The following CDH12 variants were observed in gnomAD, a reference collection of about 807,000 sequenced individuals.
CDH12 encodes the protein cadherin-12.
A neutral mutation model predicts 74.1 loss-of-function variants in CDH12; 41 were observed. The observed-to-expected ratio is 0.55, with a 90% CI of 0.43 to 0.72. The LOEUF is 0.72. Ranked by LOEUF, CDH12 falls within the 30% of genes least tolerant of loss-of-function variation. The probability of loss-of-function intolerance (pLI) is 0.00; values close to 1 mark genes in which losing one functional copy is unlikely to be tolerated. For missense variants in CDH12, 945 were observed against 977.2 expected (o/e 0.97, Z 0.44); for synonymous variants, 399 against 355.0 (o/e 1.12, Z -1.39).
At chr5:22,521,709 C>T (rs557042535) in intron 1 of CDH12, among the ~76,000 whole-genome samples, 1 of 152,264 alleles carries the variant, frequency 6.6e-6, no homozygotes, top group African/African-American at 2.4e-5. Flanking sequence ...GTCTCTGTTG[C>T]AACTCTTGTG....
intron 1 of CDH12, among the ~76,000 whole-genome samples, chr5:22,732,246 A>G (rs1744463463): frequency 6.6e-6 from 1 of 151,736 alleles, no homozygotes; most frequent in African/African-American, 2.4e-5. Flanking sequence ...TTCCCTCTGT[A>G]TATATCTTTG....
chr5:22,834,537 T>A (rs1225775835), intron 1 of CDH12, among the ~76,000 whole-genome samples: 1 of 152,166 alleles, frequency 6.6e-6, no homozygotes, highest in Admixed American at 6.6e-5. Context: ...TTTTTCAAAC[T>A]TATTCCCTTT....
chr5:22,620,501 T>C (rs1219682571), intron 1 of CDH12, among the ~76,000 whole-genome samples: 1 of 151,920 alleles, frequency 6.6e-6, no homozygotes, highest in African/African-American at 2.4e-5. Flanking sequence ...ATTAGTGCAC[T>C]CTCTGACCAA....
intron 1 of CDH12, among the ~76,000 whole-genome samples, chr5:22,587,055 C>T (rs181425610): frequency 2.5e-3 from 380 of 151,942 alleles, no homozygotes; most frequent in African/African-American, 7.2e-3. Context: ...AGGCTGGTCT[C>T]GAACTCCTGA....
At chr5:22,336,913 C>A (rs1899799) in intron 3 of CDH12, among the ~76,000 whole-genome samples, 2 of 152,128 alleles carry the variant, frequency 1.3e-5, no homozygotes, top group Non-Finnish European at 2.9e-5. Flanking sequence ...CACCATCCAC[C>A]TGGAAACACT....
intron 6 of CDH12, among the ~76,000 whole-genome samples, chr5:21,873,209 C>A (rs1365886630): frequency 6.6e-6 from 1 of 152,132 alleles, no homozygotes; most frequent in East Asian, 1.9e-4. Flanking sequence ...TAATATATCA[C>A]CATCTCCATT....
At chr5:22,475,471 T>C (rs1746130633) in intron 2 of CDH12, among the ~76,000 whole-genome samples, 1 of 151,876 alleles carries the variant, frequency 6.6e-6, no homozygotes, top group African/African-American at 2.4e-5. Context: ...AAAATAAAAA[T>C]ATTGACTATA....
chr5:22,424,826 T>C (rs2126505035), intron 2 of CDH12, among the ~76,000 whole-genome samples: 2 of 152,180 alleles, frequency 1.3e-5, no homozygotes, highest in East Asian at 3.9e-4. Context: ...TTGATTGATT[T>C]GCTTATAACC....
chr5:21,946,633 C>T (rs1274093430), intron 6 of CDH12, among the ~76,000 whole-genome samples: 1 of 152,130 alleles, frequency 6.6e-6, no homozygotes, highest in East Asian at 1.9e-4. Flanking sequence ...TCATGCACTG[C>T]ATAATGATGT....
At chr5:22,271,068 T>G (rs987915096) in intron 3 of CDH12, among the ~76,000 whole-genome samples, 9 of 152,328 alleles carry the variant, frequency 5.9e-5, no homozygotes, top group Middle Eastern at 3.4e-3. Flanking sequence ...AATTTATCTG[T>G]GGGTTTCTCT....
chr5:22,215,478 T>G (rs1751770128), intron 3 of CDH12, among the ~76,000 whole-genome samples: 1 of 152,092 alleles, frequency 6.6e-6, no homozygotes, highest in Admixed American at 6.6e-5. Context: ...ATAGATTCCA[T>G]CCAGAGCTTC....
rs112268697 is a variant in CDH12, at chr5:22,436,123, A to G, written c.-427-30772T>C. Among the ~76,000 whole-genome samples, 951 of 151,614 alleles carry G rather than the reference A, an allele frequency of 6.3e-3. 11 individuals carry two copies. Among genetic ancestry groups the G allele is most frequent in the African/African-American group, 0.022 (908 of 41,302 alleles). ...ATGAGTTAATGTCCTTTGCAGGGAC[A>G]TGGATGAAGCTGGAAACCATCATTC... On this transcript the variant is annotated intron_variant, in intron 2 of 14. Coordinates refer to ENST00000382254, the MANE Select transcript of CDH12 (RefSeq NM_004061.5).
intron 1 of CDH12, among the ~76,000 whole-genome samples, chr5:22,523,845 G>A (rs1737152720): frequency 6.6e-6 from 1 of 151,984 alleles, no homozygotes. Flanking sequence ...TCATTTTCAA[G>A]ACTCTAGGTA....
intron 2 of CDH12, among the ~76,000 whole-genome samples, chr5:22,432,163 T>G (rs1026439920): frequency 2.6e-5 from 4 of 152,106 alleles, no homozygotes; most frequent in African/African-American, 9.7e-5. Context: ...TTACTGTACT[T>G]TTTATGATTA....
intron 4 of CDH12, among the ~76,000 whole-genome samples, chr5:22,180,791 G>A (rs1473004240): frequency 3.9e-5 from 6 of 151,984 alleles, no homozygotes; most frequent in Non-Finnish European, 7.4e-5. Flanking sequence ...ATGAGCCACC[G>A]TGCCCAGCCA....
intron 3 of CDH12, among the ~76,000 whole-genome samples, chr5:22,358,008 T>A (rs1185711734): frequency 1.3e-5 from 2 of 152,202 alleles, no homozygotes; most frequent in African/African-American, 4.8e-5. Flanking sequence ...TATTGTTAAC[T>A]CCAGCACATC....
intron 2 of CDH12, among the ~76,000 whole-genome samples, chr5:22,454,509 T>C (rs537090877): frequency 6.6e-6 from 1 of 152,232 alleles, no homozygotes; most frequent in African/African-American, 2.4e-5. Flanking sequence ...AGTCTCATTC[T>C]GTCGGCCAGA....
intron 1 of CDH12, among the ~76,000 whole-genome samples, chr5:22,545,975 G>A (rs1386230805): frequency 2.0e-5 from 3 of 151,744 alleles, no homozygotes; most frequent in African/African-American, 4.8e-5. Context: ...ATGGAGTCTC[G>A]CACTGTTGCT....
rs1750385793 is a variant in CDH12 at position 22,192,825 on chromosome 5, G to A, written c.-187+19673C>T. On this transcript the variant is annotated intron_variant, in intron 4 of 14. Coordinates refer to ENST00000382254, the MANE Select transcript of CDH12 (RefSeq NM_004061.5). ...GTATTTGAAACAGAACACAGCTGGG[G>A]AGGCTACACTTGAAAGGGAAGAGAC... 3.9e-5 allele frequency among the ~76,000 whole-genome samples: 6 copies of A among 152,216 alleles called. No homozygotes were observed. In the South Asian group the frequency reaches 1.2e-3, roughly 32 times the overall value.
Sources: allele counts gnomAD v4.1 joint callset (sites outside exome capture counted in the v4.1 genomes callset), GRCh38; gene constraint gnomAD v4.1.1; transcripts MANE v1.5; gene names NCBI Gene and HGNC (gene_info 2026-07-23, HGNC 2026-07-21).